Variants in SLC25A17 observed in about 807,000 individuals in gnomAD.
SLC25A17 encodes peroxisomal membrane protein PMP34.
Under a neutral mutation model 38.5 loss-of-function variants are expected in SLC25A17, and 26 were observed. The observed-to-expected ratio is 0.68, with a 90% CI of 0.50 to 0.94. The LOEUF is 0.94. Ranked by LOEUF, SLC25A17 falls within the 40% of genes least tolerant of loss-of-function variation. SLC25A17 has a pLI of 0.00. For missense variants in SLC25A17, 333 were observed against 372.7 expected (o/e 0.89, Z 0.88); for synonymous variants, 139 against 136.2 (o/e 1.02, Z -0.14).
chr22:40,778,018 C>A (rs1405203417), intron 5 of SLC25A17, among the ~76,000 whole-genome samples: 1 of 152,010 alleles, frequency 6.6e-6, no homozygotes, highest in Non-Finnish European at 1.5e-5. Flanking sequence ...AAAAGTCCAG[C>A]ACAAGAAAAG....
intron 7 of SLC25A17, among the ~76,000 whole-genome samples, chr22:40,775,988 C>T (rs1216926133): frequency 1.3e-5 from 2 of 152,200 alleles, no homozygotes; most frequent in African/African-American, 2.4e-5. Context: ...TCATGCTCCC[C>T]CTGCCTGGAA....
At chr22:40,786,126 C>T (rs185085673) in intron 4 of SLC25A17, among the ~76,000 whole-genome samples, 2 of 152,084 alleles carry the variant, frequency 1.3e-5, no homozygotes, top group African/African-American at 4.8e-5. Context: ...GCCTGGCCAA[C>T]GTGGTGAAAC....
chr22:40,812,004 C>T (rs2057586430), intron 1 of SLC25A17, among the ~76,000 whole-genome samples: 1 of 151,754 alleles, frequency 6.6e-6, no homozygotes, highest in Non-Finnish European at 1.5e-5. Context: ...TGAACTGACA[C>T]CTGGATTTCT....
rs1602639741 is a variant in SLC25A17 at position 40,819,303 on chromosome 22, T to C, written c.-55A>G. 2.5e-6 allele frequency: 4 copies of C among 1,597,516 alleles called. No homozygotes were observed. The highest frequency in any genetic ancestry group is 3.4e-6 in the Non-Finnish European group (4 of 1,168,484). ...CTTTTCCCACAGATGCCGCAGCCAG[T>C]GGAGTTAGGAAAGGAGCACCGGAGC... On this transcript the variant is annotated 5_prime_UTR_variant, in exon 1 of 9. Coordinates refer to ENST00000435456, the MANE Select transcript of SLC25A17 (RefSeq NM_006358.4).
chr22:40,808,687 G>C (rs2057551052), intron 1 of SLC25A17, among the ~76,000 whole-genome samples: 1 of 152,202 alleles, frequency 6.6e-6, no homozygotes, highest in Admixed American at 6.5e-5. Flanking sequence ...TTTCCGTTTT[G>C]AAGTGGGTAA....
intron 8 of SLC25A17, among the ~76,000 whole-genome samples, chr22:40,772,791 A>G (rs747249782): frequency 2.3e-4 from 35 of 151,826 alleles, no homozygotes; most frequent in Non-Finnish European, 4.1e-4. Context: ...TTTGTGCCAC[A>G]TGCTTGGCTA....
chr22:40,801,167 A>ATGTG (rs1266326282), intron 1 of SLC25A17, among the ~76,000 whole-genome samples: 5 of 125,720 alleles, frequency 4.0e-5, no homozygotes, highest in African/African-American at 5.9e-5. Context: ...ATATATATAT[A>ATGTG]TGTAAATGAT....
At chr22:40,811,373 G>C (rs767929242) in intron 1 of SLC25A17, among the ~76,000 whole-genome samples, 66 of 151,664 alleles carry the variant, frequency 4.4e-4, no homozygotes, top group Non-Finnish European at 9.3e-4. Context: ...TTACAGGAGT[G>C]AGTCAATGAG....
rs373583867 is a variant in SLC25A17, at chr22:40,787,101, C to T, written c.334+5424G>A. ...GCCATGTTGGAGCACATAGAAAGGG[C>T]ACCTAACCCAGAATAAAACCTAGGG... On this transcript the variant is annotated intron_variant, in intron 4 of 8. Transcript: ENST00000435456. Among the ~76,000 whole-genome samples, 253 of 152,254 alleles carry T rather than the reference C, an allele frequency of 1.7e-3. 8 individuals are homozygous for T. In the South Asian group the frequency reaches 0.05, roughly 30 times the overall value.
chr22:40,796,876 C>T (rs2057435675), intron 2 of SLC25A17, among the ~76,000 whole-genome samples: 1 of 152,094 alleles, frequency 6.6e-6, no homozygotes, highest in Non-Finnish European at 1.5e-5. Context: ...GGCTGTAAGA[C>T]AGACGAAGAC....
rs200034270 is a variant in SLC25A17, at chr22:40,777,221, G to C, written c.597+7C>G. On this transcript the variant is annotated splice_region_variant and intron_variant, in intron 6 of 8. Coordinates refer to ENST00000435456, the MANE Select transcript of SLC25A17 (RefSeq NM_006358.4). Reference sequence around the variant, plus strand: ...ATTATTTTACTGCTTTCAAAATCAAGGATTACCTTCATCCGTTTCTTTAAA... The same window carrying C: ...ATTATTTTACTGCTTTCAAAATCAACGATTACCTTCATCCGTTTCTTTAAA... 8.1e-6 allele frequency: 13 copies of C among 1,613,208 alleles called. No individual in the cohort carries two copies. The Admixed American group carries it at 1.3e-4, about 17-fold the overall frequency.
chr22:40,807,392 A>G (rs1254608702), intron 1 of SLC25A17, among the ~76,000 whole-genome samples: 1 of 152,218 alleles, frequency 6.6e-6, no homozygotes, highest in Non-Finnish European at 1.5e-5. Context: ...GAACATAGGC[A>G]GCCTGACTAC....
At chr22:40,796,294 A>C (rs2145681610) in intron 2 of SLC25A17, among the ~76,000 whole-genome samples, 1 of 152,326 alleles carries the variant, frequency 6.6e-6, no homozygotes. Context: ...CTAAGAATTA[A>C]AATTGGTACC....
intron 1 of SLC25A17, among the ~76,000 whole-genome samples, chr22:40,804,274 G>A (rs186977611): frequency 3.9e-5 from 6 of 152,192 alleles, no homozygotes; most frequent in Non-Finnish European, 5.9e-5. Flanking sequence ...GCCCATCTAC[G>A]CACCCAAGCC....
At position 40,779,127 on chromosome 22, in the gene SLC25A17, T is replaced by C; in HGVS notation, c.335-2A>G. The C allele has an allele frequency of 6.2e-7, 1 of 1,614,208 alleles. No individual in the cohort carries two copies. Among genetic ancestry groups the C allele is most frequent in the Non-Finnish European group, 8.5e-7 (1 of 1,180,038 alleles). On this transcript the variant is annotated splice_acceptor_variant, in intron 4 of 8. Coordinates refer to ENST00000435456, the MANE Select transcript of SLC25A17 (RefSeq NM_006358.4). LOFTEE classifies it high-confidence loss of function. ...TTGTTAGCAACACATTAACCACTCCTTTAACAAGAAAGATGGAGAGAAAAA... is the reference window on the plus strand; with the variant it reads ...TTGTTAGCAACACATTAACCACTCCCTTAACAAGAAAGATGGAGAGAAAAA...
chr22:40,782,183 G>A (rs1460541143), intron 4 of SLC25A17, among the ~76,000 whole-genome samples: 2 of 151,970 alleles, frequency 1.3e-5, no homozygotes, highest in East Asian at 3.9e-4. Flanking sequence ...TCGCACTACT[G>A]CACTCCAGCC....
intron 8 of SLC25A17, 67 bp from the exon 9 acceptor site, chr22:40,771,048 G>T: frequency 7.5e-7 from 1 of 1,336,756 alleles, no homozygotes; most frequent in Non-Finnish European, 1.0e-6. Flanking sequence ...TACCTAGATA[G>T]CTACTTTGAT....
At chr22:40,773,479 A>G (rs964156909) in intron 8 of SLC25A17, among the ~76,000 whole-genome samples, 7 of 151,448 alleles carry the variant, frequency 4.6e-5, no homozygotes, top group South Asian at 2.1e-4. Flanking sequence ...TGTCTGCCAC[A>G]TGGCAAACCA....
intron 1 of SLC25A17, among the ~76,000 whole-genome samples, chr22:40,808,332 C>T (rs531476832): frequency 6.6e-6 from 1 of 152,168 alleles, no homozygotes; most frequent in Non-Finnish European, 1.5e-5. Flanking sequence ...GCAGTGGAGT[C>T]CCTTCAGCTG....
Sources: allele counts gnomAD v4.1 joint callset (sites outside exome capture counted in the v4.1 genomes callset), GRCh38; gene constraint gnomAD v4.1.1; transcripts MANE v1.5; gene names NCBI Gene and HGNC (gene_info 2026-07-23, HGNC 2026-07-21).